HIPK2: variants seen among roughly 807,000 people sequenced by gnomAD.
The protein encoded by HIPK2 is homeodomain-interacting protein kinase 2.
A neutral mutation model predicts 113.7 loss-of-function variants in HIPK2; 27 were observed. The observed-to-expected ratio is 0.24, with a 90% CI of 0.17 to 0.33. The LOEUF is 0.33. Ranked by LOEUF, HIPK2 falls within the 10% of genes least tolerant of loss-of-function variation. The pLI, the probability that HIPK2 is intolerant of heterozygous loss-of-function variation, is 1.00. For missense variants in HIPK2, 1,257 were observed against 1,588.0 expected, an observed-to-expected ratio of 0.79 and a Z score of 3.54; for synonymous variants, 631 against 642.2, an observed-to-expected ratio of 0.98 and a Z score of 0.26.
chr7:139,678,129 C>G (rs1034390665), intron 2 of HIPK2, among the ~76,000 whole-genome samples: 25 of 152,132 alleles, frequency 1.6e-4, no homozygotes, highest in African/African-American at 5.3e-4. Context: ...AGCCCTTTGT[C>G]AGATGGATAG....
intron 1 of HIPK2, among the ~76,000 whole-genome samples, chr7:139,719,088 C>T (rs1222088397): frequency 2.6e-5 from 4 of 152,104 alleles, no homozygotes; most frequent in Admixed American, 1.3e-4. Flanking sequence ...CTCCCCATCC[C>T]GTGTCTGATT....
intron 1 of HIPK2, among the ~76,000 whole-genome samples, chr7:139,744,073 C>T (rs1401050147): frequency 6.6e-6 from 1 of 152,058 alleles, no homozygotes; most frequent in Non-Finnish European, 1.5e-5. Flanking sequence ...CAATGGGATA[C>T]CAAGAAAACT....
chr7:139,588,305 G>A (rs748489068), intron 12 of HIPK2, among the ~76,000 whole-genome samples: 2 of 150,988 alleles, frequency 1.3e-5, no homozygotes, highest in Admixed American at 6.6e-5. Context: ...GTGACAGAGT[G>A]AGACTCTGCC....
At position 139,573,377 on chromosome 7, in the gene HIPK2, C is replaced by A; in HGVS notation, c.3147G>T (p.Thr1049=). 6.2e-7 allele frequency: 1 copy of A among 1,603,688 alleles called. No individual in the cohort carries two copies. The highest frequency in any genetic ancestry group is 8.5e-7 in the Non-Finnish European group (1 of 1,179,772). The change falls in exon 15 of 15, where the codon ACG becomes ACT. Residue 1049 remains threonine, a synonymous_variant. Transcript: ENST00000406875. ...GCCTTCGGTGGCTCCCAGTGCGGTC[C>A]GTGGTGATGTGCTGCTGAGCCTGGG... ...NLSQAQQHIT[T]DRTGSHRRQQ...
Position 139,729,324 on chromosome 7 carries a change from T to TGAGAGAGAGAGA in HIPK2, c.20-12321_20-12310dup, listed in dbSNP as rs71170912. ...TGGGTGACAGAGTAGACCCTGTCTCTGAGAGAGAGAGAGAGAGAGAGAGAG... is the reference window on the plus strand; with the variant it reads ...TGGGTGACAGAGTAGACCCTGTCTCTGAGAGAGAGAGAGAGAGAGAGAGAGAGAGAGAGAGAG... On this transcript the variant is annotated intron_variant, in intron 1 of 14. Coordinates refer to ENST00000406875, the MANE Select transcript of HIPK2 (RefSeq NM_022740.5). Among the ~76,000 whole-genome samples the TGAGAGAGAGAGA allele has an allele frequency of 6.5e-4, 45 of 69,184 alleles. 2 individuals are homozygous for TGAGAGAGAGAGA. The South Asian group carries it at 7.0e-3, about 11-fold the overall frequency. 45.4% of individuals were successfully genotyped at this position (69,184 alleles called of 152,430 possible).
At chr7:139,776,442 TATAAC>T (rs1480667274) in intron 1 of HIPK2, among the ~76,000 whole-genome samples, 1 of 151,918 alleles carries the variant, frequency 6.6e-6, no homozygotes, top group African/African-American at 2.4e-5. Context: ...ATCAGCCTCT[TATAAC>T]AGAGATAAAA....
chr7:139,605,131 T>C (rs948481743), intron 9 of HIPK2, among the ~76,000 whole-genome samples: 1 of 152,210 alleles, frequency 6.6e-6, no homozygotes, highest in African/African-American at 2.4e-5. Context: ...ATTACTTTGA[T>C]TTCTCAAAGC....
chr7:139,626,103 TTTCC>T, intron 6 of HIPK2, among the ~76,000 whole-genome samples: 2 of 142,456 alleles, frequency 1.4e-5, no homozygotes, highest in African/African-American at 6.1e-5. Context: ...TCTTTTTTTC[TTTCC>T]TTTTTTTTTT....
At chr7:139,627,383 C>T (rs1422446566) in intron 5 of HIPK2, among the ~76,000 whole-genome samples, 2 of 152,000 alleles carry the variant, frequency 1.3e-5, no homozygotes, top group East Asian at 1.9e-4. Flanking sequence ...CTGAGTGTGC[C>T]CGTCCTCCAC....
chr7:139,659,754 C>T (rs1569467154), intron 2 of HIPK2, among the ~76,000 whole-genome samples: 5 of 16,630 alleles, frequency 3.0e-4, no homozygotes, highest in Admixed American at 1.5e-3. Flanking sequence ...TGCATTCTCT[C>T]TCTTTTCTGC....
chr7:139,595,348 G>C (rs1799166008), intron 12 of HIPK2, among the ~76,000 whole-genome samples: 1 of 152,132 alleles, frequency 6.6e-6, no homozygotes, highest in African/African-American at 2.4e-5. Context: ...CAGTATTCCT[G>C]GGTGGTGGTG....
At chr7:139,740,865 G>A (rs146029287) in intron 1 of HIPK2, among the ~76,000 whole-genome samples, 3 of 152,288 alleles carry the variant, frequency 2.0e-5, no homozygotes, top group East Asian at 1.9e-4. Flanking sequence ...TACAAATTCC[G>A]GCCAGGCGCG....
intron 13 of HIPK2, among the ~76,000 whole-genome samples, chr7:139,582,977 G>C (rs549611176): frequency 9.3e-4 from 142 of 152,358 alleles, no homozygotes; most frequent in Admixed American, 2.2e-3. Flanking sequence ...TGACAGACAT[G>C]AGGTCCTCCT....
chr7:139,713,777 T>C (rs1448912964), intron 2 of HIPK2, among the ~76,000 whole-genome samples: 1 of 152,082 alleles, frequency 6.6e-6, no homozygotes, highest in African/African-American at 2.4e-5. Flanking sequence ...CCAACCTAAA[T>C]ACGAAGTGGC....
At position 139,572,799 on chromosome 7, in the gene HIPK2, A is replaced by C; in HGVS notation, c.*128T>G. The C allele has an allele frequency of 1.8e-5, 2 of 108,288 alleles. No individual in the cohort carries two copies. The highest frequency in any genetic ancestry group is 1.5e-4 in the Admixed American group (1 of 6,770). 6.7% of individuals were successfully genotyped at this position (108,288 alleles called of 1,614,324 possible). Reference sequence around the variant, plus strand: ...CCCCCCCCGCCCCTGCCCCGTTTGCATTGTTTGTGTGCGGCATCTTCAGTA... The same window carrying C: ...CCCCCCCCGCCCCTGCCCCGTTTGCCTTGTTTGTGTGCGGCATCTTCAGTA... On this transcript the variant is annotated 3_prime_UTR_variant, in exon 15 of 15. Coordinates refer to ENST00000406875, the MANE Select transcript of HIPK2 (RefSeq NM_022740.5).
intron 6 of HIPK2, among the ~76,000 whole-genome samples, chr7:139,626,282 T>C (rs1262326433): frequency 6.6e-6 from 1 of 152,012 alleles, no homozygotes; most frequent in African/African-American, 2.4e-5. Context: ...TTTGTATTTT[T>C]AGTAGAGACA....
At chr7:139,626,026 T>C (rs1352002931) in intron 6 of HIPK2, among the ~76,000 whole-genome samples, 2 of 152,058 alleles carry the variant, frequency 1.3e-5, no homozygotes, top group East Asian at 3.9e-4. Context: ...TGCTCTCCTC[T>C]TCCCTCCTTT....
intron 2 of HIPK2, among the ~76,000 whole-genome samples, chr7:139,690,752 C>T (rs932613466): frequency 6.6e-6 from 1 of 152,222 alleles, no homozygotes; most frequent in Non-Finnish European, 1.5e-5. Flanking sequence ...ATGTAATCCG[C>T]ACACGCCAGC....
intron 11 of HIPK2, 97 bp downstream of exon 11, chr7:139,600,320 C>T: frequency 7.3e-7 from 1 of 1,365,818 alleles, no homozygotes; most frequent in Non-Finnish European, 1.0e-6. Flanking sequence ...GCAACTGTCC[C>T]ATGTTCAGAG....
Sources: gnomAD v4.1 joint callset for allele counts (sites outside exome capture counted in the v4.1 genomes callset) on GRCh38, gnomAD v4.1.1 for gene constraint, MANE v1.5 for transcripts, NCBI Gene and HGNC (gene_info 2026-07-23, HGNC 2026-07-21) for gene names.